TRAK2: variants seen among roughly 807,000 people sequenced by gnomAD.
TRAK2 encodes trafficking kinesin-binding protein 2.
A neutral mutation model predicts 104.6 loss-of-function variants in TRAK2; 81 were observed. That is an observed-to-expected ratio of 0.77 (90% CI 0.65 to 0.93). The LOEUF (loss-of-function observed/expected upper bound fraction) is 0.93, where lower values mean the gene tolerates loss of function less well. Among genes scored for constraint, TRAK2 ranks in the 40% least tolerant of loss-of-function variants. TRAK2 has a pLI of 0.00. For missense variants in TRAK2, 1,002 were observed against 1,089.0 expected (o/e 0.92, Z 1.12); for synonymous variants, 406 against 394.4 (o/e 1.03, Z -0.35).
In TRAK2 at chr2:201,380,828, G is replaced by A. The variant is rs1313019324; in HGVS notation, c.2460C>T (p.Pro820=). Residue 820 remains proline, a synonymous_variant, in exon 16 of 16, where the codon CCC becomes CCT. Transcript: ENST00000332624. ...GGCCAACATCAGGAGGGTTCCGGGA[G>A]GGTCTCAAGCCATACATCTCCTGGA... ...TFLQEMYGLR[P]SRNPPDVGQL... is the part of the protein sequence containing the mutation. The A allele has an allele frequency of 5.0e-6, 8 of 1,614,084 alleles. No homozygotes were observed. The Admixed American group carries it at 1.3e-4, about 27-fold the overall frequency.
At chr2:201,448,566 C>T (rs543318402) in intron 1 of TRAK2, among the ~76,000 whole-genome samples, 3 of 152,094 alleles carry the variant, frequency 2.0e-5, no homozygotes, top group Non-Finnish European at 2.9e-5. Context: ...CTATTTCTTA[C>T]CAACTAAACA....
chr2:201,438,744 C>G (rs1309244622), intron 1 of TRAK2, among the ~76,000 whole-genome samples: 1 of 152,176 alleles, frequency 6.6e-6, no homozygotes, highest in African/African-American at 2.4e-5. Context: ...AAGTAATCCG[C>G]TCCCCCCAAC....
chr2:201,433,106 C>CA (rs1483924585), intron 1 of TRAK2, among the ~76,000 whole-genome samples: 3 of 152,060 alleles, frequency 2.0e-5, no homozygotes, highest in African/African-American at 4.8e-5. Flanking sequence ...TAAAGTTTAC[C>CA]AAAAAACCAC....
chr2:201,385,788 T>C (rs1435804540), intron 14 of TRAK2, among the ~76,000 whole-genome samples: 2 of 152,230 alleles, frequency 1.3e-5, no homozygotes, highest in Non-Finnish European at 2.9e-5. Context: ...TTTTTCTCAC[T>C]ATGTAAAAAA....
intron 2 of TRAK2, among the ~76,000 whole-genome samples, chr2:201,417,970 TAA>T (rs1366730085): frequency 3.9e-5 from 6 of 152,218 alleles, no homozygotes; most frequent in South Asian, 2.1e-4. Context: ...AAAAAATACT[TAA>T]GACTAAATTT....
intron 2 of TRAK2, among the ~76,000 whole-genome samples, chr2:201,417,241 C>CAAAAAAAAAAAAAAAAAGAAAAAAAAAA (rs1951700430): frequency 5.7e-5 from 5 of 88,432 alleles, no homozygotes; most frequent in Admixed American, 1.2e-4. Context: ...GAAGACATTG[C>CAAAAAAAAAAAAAAAAAGAAAAAAAAAA]AAAAAAAAAA....
At position 201,387,718 on chromosome 2, in the gene TRAK2, C is replaced by T. The variant is rs1219346097; in HGVS notation, c.1681G>A (p.Val561Ile). Residue 561 changes from valine (V) to isoleucine (I), a missense_variant, in exon 13 of 16, where the codon GTC becomes ATC. Val to Ile is a conservative substitution (Grantham distance 29). Coordinates refer to ENST00000332624, the MANE Select transcript of TRAK2 (RefSeq NM_015049.3). ...GATTTATTACCTTCAAGGGGCTTGA[C>T]AATTTGTAATTTTTCTGGCATAAAA... ...RGFMPEKLQI[V>I]KPLEGSQTLY... 6.9e-6 allele frequency: 11 copies of T among 1,605,262 alleles called. No individual in the cohort carries two copies. Among genetic ancestry groups the T allele is most frequent in the African/African-American group, 1.3e-5 (1 of 74,688 alleles).
rs113091931 is a variant in TRAK2, at chr2:201,387,349, A to G, written c.1696+354T>C. The stretch of plus-strand genomic sequence containing the variant: ...CTTTTGAAAAGGAAGGTGGAGATGA[A>G]TTATTATCTCTAGATCATTATCATT... On this transcript the variant is annotated intron_variant, in intron 13 of 15. Coordinates refer to ENST00000332624, the MANE Select transcript of TRAK2 (RefSeq NM_015049.3). Among the ~76,000 whole-genome samples, 959 of 152,308 alleles carry G rather than the reference A, an allele frequency of 6.3e-3. 13 individuals carry two copies. The highest frequency in any genetic ancestry group is 0.021 in the African/African-American group (887 of 41,580).
intron 2 of TRAK2, among the ~76,000 whole-genome samples, chr2:201,420,106 C>T (rs1342503473): frequency 6.6e-6 from 1 of 152,132 alleles, no homozygotes; most frequent in Non-Finnish European, 1.5e-5. Context: ...TAGGTACCTG[C>T]AGGGTATACA....
At chr2:201,383,290 TCA>T (rs1951359390) in intron 15 of TRAK2, among the ~76,000 whole-genome samples, 2 of 152,198 alleles carry the variant, frequency 1.3e-5, no homozygotes, top group Admixed American at 1.3e-4. Flanking sequence ...TGGAGGCTGA[TCA>T]CACTAAATCT....
At chr2:201,386,507 G>A (rs1345451695) in intron 13 of TRAK2, 23 bp from the exon 14 acceptor site, 10 of 1,608,990 alleles carry the variant, frequency 6.2e-6, no homozygotes, top group Non-Finnish European at 8.5e-6. Flanking sequence ...AACAAAGGAA[G>A]GGGAAAGGCA....
chr2:201,394,925 A>ACC (rs1951487321), intron 8 of TRAK2, 53 bp from the exon 9 acceptor site: 8 of 1,423,386 alleles, frequency 5.6e-6, no homozygotes, highest in Non-Finnish European at 7.8e-6. Flanking sequence ...AAATATAGCT[A>ACC]TTCTCTTTCT....
At chr2:201,418,085 T>C (rs1031779759) in intron 2 of TRAK2, among the ~76,000 whole-genome samples, 3 of 152,226 alleles carry the variant, frequency 2.0e-5, no homozygotes, top group African/African-American at 7.2e-5. Flanking sequence ...GTTTATGGAT[T>C]AGGAGACTCA....
rs376789044 is a variant in TRAK2 at position 201,394,903 on chromosome 2, C to T, written c.901-31G>A. 4 of 1,556,850 alleles carry T rather than the reference C, an allele frequency of 2.6e-6. No individual in the cohort carries two copies. The African/African-American group carries it at 4.1e-5, about 16-fold the overall frequency. The stretch of plus-strand genomic sequence containing the variant: ...AACATATTAAAAAAGACATGTGAAG[C>T]CTTTCCAAGTAAAATATAGCTATTC... On this transcript the variant is annotated intron_variant, in intron 8 of 15. Coordinates refer to ENST00000332624, the MANE Select transcript of TRAK2 (RefSeq NM_015049.3).
intron 1 of TRAK2, among the ~76,000 whole-genome samples, chr2:201,450,372 C>G (rs1260676858): frequency 2.6e-5 from 4 of 151,780 alleles, no homozygotes; most frequent in Non-Finnish European, 2.9e-5. Context: ...CCGAGATCAC[C>G]CCACTGCACT....
chr2:201,430,010 G>A (rs1471826213), intron 1 of TRAK2, among the ~76,000 whole-genome samples: 1 of 152,220 alleles, frequency 6.6e-6, no homozygotes, highest in African/African-American at 2.4e-5. Context: ...GGGTTTTGGT[G>A]TGGATGACCT....
At chr2:201,388,024 G>C (rs1254514679) in intron 12 of TRAK2, 23 bp from the exon 13 acceptor site, 1 of 1,612,806 alleles carries the variant, frequency 6.2e-7, no homozygotes, top group Admixed American at 1.7e-5. Context: ...CGCGTTCACT[G>C]ATTAGATCTT....
intron 9 of TRAK2, 79 bp downstream of exon 9, chr2:201,394,719 A>T: frequency 8.7e-7 from 1 of 1,147,074 alleles, no homozygotes; most frequent in Non-Finnish European, 1.3e-6. Flanking sequence ...ATTCCCCTTT[A>T]ATAATTCTTA....
chr2:201,416,896 C>T (rs920849235), intron 2 of TRAK2, among the ~76,000 whole-genome samples: 5 of 151,256 alleles, frequency 3.3e-5, no homozygotes, highest in Admixed American at 2.0e-4. Flanking sequence ...AAACGGAAGA[C>T]GGAACAAATA....
Sources: gnomAD v4.1 joint callset for allele counts (sites outside exome capture counted in the v4.1 genomes callset) on GRCh38, gnomAD v4.1.1 for gene constraint, MANE v1.5 for transcripts, NCBI Gene and HGNC (gene_info 2026-07-23, HGNC 2026-07-21) for gene names.